The following EPHA10 variants were observed in gnomAD, a reference collection of about 807,000 sequenced individuals.
EPHA10 encodes the protein ephrin type-A receptor 10.
EPHA10 carries 120 observed loss-of-function variants against 109.7 expected under a neutral mutation model. The ratio of observed to expected loss-of-function variants is 1.09; its 90% CI spans 0.94 to 1.27. EPHA10 has a LOEUF of 1.27. Ranked by LOEUF, EPHA10 falls within the 50% of genes most tolerant of loss-of-function variation. The pLI, the probability that EPHA10 is intolerant of heterozygous loss-of-function variation, is 0.00. For missense variants in EPHA10, 1,396 were observed against 1,411.1 expected (o/e 0.99, Z 0.17); for synonymous variants, 640 against 618.9 (o/e 1.03, Z -0.51).
chr1:37,732,350 C>T (rs1009228870), intron 6 of EPHA10, among the ~76,000 whole-genome samples: 1 of 152,130 alleles, frequency 6.6e-6, no homozygotes, highest in Non-Finnish European at 1.5e-5. Context: ...CCGCTCCACC[C>T]CAACACACCT....
chr1:37,761,254 A>G, intron 3 of EPHA10, 151 bp downstream of exon 3: 3 of 1,504,130 alleles, frequency 2.0e-6, no homozygotes, highest in Non-Finnish European at 2.6e-6. Context: ...GAAACTCCAC[A>G]AGACTTCAGG....
intron 5 of EPHA10, among the ~76,000 whole-genome samples, chr1:37,735,670 C>G (rs569979262): frequency 6.6e-6 from 1 of 152,130 alleles, no homozygotes; most frequent in South Asian, 2.1e-4. Flanking sequence ...CTTGCCCACC[C>G]CTTACAGCCC....
At chr1:37,720,608 G>C in intron 12 of EPHA10, 54 bp from the exon 13 acceptor site, 1 of 1,562,624 alleles carries the variant, frequency 6.4e-7, no homozygotes, top group African/African-American at 1.4e-5. Flanking sequence ...CCCTGGTGTT[G>C]TGTGACACCA....
At chr1:37,722,814 C>G (rs776820190) in intron 10 of EPHA10, 39 of 680,984 alleles carry the variant, frequency 5.7e-5, no homozygotes, top group Non-Finnish European at 9.3e-5. Flanking sequence ...CCTTGAGGAC[C>G]AGGAGAGGGT....
At chr1:37,750,824 G>C (rs1263857878) in intron 5 of EPHA10, among the ~76,000 whole-genome samples, 1 of 151,812 alleles carries the variant, frequency 6.6e-6, no homozygotes, top group Non-Finnish European at 1.5e-5. Flanking sequence ...CAGACTAAGG[G>C]CATGAGCCAC....
intron 5 of EPHA10, among the ~76,000 whole-genome samples, chr1:37,739,404 C>T (rs985422858): frequency 6.6e-6 from 1 of 152,128 alleles, no homozygotes; most frequent in African/African-American, 2.4e-5. Context: ...GTGACTCATG[C>T]TTATAATCTC....
At chr1:37,715,106 TGCAACCTCCA>T (rs1645673546), downstream of EPHA10, 1 of 152,294 alleles carries the variant, frequency 6.6e-6, no homozygotes, top group Non-Finnish European at 1.5e-5. Flanking sequence ...CTCGGCCCAC[TGCAACCTCCA>T]TCTCCTGGGT....
chr1:37,761,721 G>C lies in EPHA10; in HGVS notation c.534C>G (p.Arg178=), dbSNP rs766964620. The part of the protein sequence containing the change: ...ERKMKLNTEV[R]EIGPLSRRGF... ...CCCGCCGGCTGAGCGGTCCGATCTC[G>C]CGCACCTCTGTGTTCAGCTTCATCT... The change falls in exon 3 of 17, where the codon CGC becomes CGG. Residue 178 remains arginine, a synonymous_variant. Transcript: ENST00000373048. 3 of 1,613,470 alleles carry C rather than the reference G, an allele frequency of 1.9e-6. No individual in the cohort carries two copies. The highest frequency in any genetic ancestry group is 2.5e-6 in the Non-Finnish European group (3 of 1,179,910).
At chr1:37,736,116 C>T (rs1227469340) in intron 5 of EPHA10, among the ~76,000 whole-genome samples, 1 of 152,164 alleles carries the variant, frequency 6.6e-6, no homozygotes, top group Non-Finnish European at 1.5e-5. Context: ...ATTCCACACA[C>T]AAAATTGTTA....
chr1:37,734,632 TG>T (rs1557542804), intron 6 of EPHA10: 1 of 456,146 alleles, frequency 2.2e-6, no homozygotes. Flanking sequence ...ACAGCTAAGC[TG>T]CAACCACAGA....
chr1:37,731,440 G>T lies in EPHA10; in HGVS notation c.1634C>A (p.Pro545His). The change falls in exon 7 of 17, where the codon CCC becomes CAC. Residue 545 changes from proline (P) to histidine (H), a missense_variant. Transcript: ENST00000373048. ...CCCCAGGGTCTGTACTTCAATGCTG[G>T]GGTTAAAACTCTGGGCCTCCCAGGA... ...GPSWEAQSFN[P>H]SIEVQTLGEA... 9.3e-6 allele frequency: 15 copies of T among 1,612,652 alleles called. No individual in the cohort carries two copies. Among genetic ancestry groups the T allele is most frequent in the Non-Finnish European group, 1.3e-5 (15 of 1,179,218 alleles).
intron 15 of EPHA10, 115 bp downstream of exon 15, chr1:37,719,299 T>C (rs181093708): frequency 8.1e-7 from 1 of 1,235,044 alleles, no homozygotes; most frequent in Non-Finnish European, 1.1e-6. Context: ...GGCAATGGGG[T>C]GAACAATTGC....
Position 37,761,654 on chromosome 1 carries a change from G to T in EPHA10, c.601C>A (p.Leu201Ile). The T allele has an allele frequency of 6.2e-7, 1 of 1,608,010 alleles. No individual in the cohort carries two copies. Residue 201 changes from leucine (L) to isoleucine (I), a missense_variant, in exon 3 of 17, where the codon CTT becomes ATT. Leu to Ile is a conservative substitution (Grantham distance 5). Transcript: ENST00000373048. ...TTGTAGTAGACGCGCACCGAGACAA[G>T]CGCCACGCATGCGCCCACGTCCTGA... ...AFQDVGACVA[L>I]VSVRVYYKQC...
chr1:37,715,793 G>A (rs995720208), downstream of EPHA10: 22 of 442,410 alleles, frequency 5.0e-5, no homozygotes, highest in African/African-American at 3.3e-4. Context: ...GGTACCCTGG[G>A]TCACACCGTC....
At chr1:37,733,814 CTCTT>C (rs1391092422) in intron 6 of EPHA10, among the ~76,000 whole-genome samples, 2 of 152,108 alleles carry the variant, frequency 1.3e-5, no homozygotes, top group Non-Finnish European at 2.9e-5. Flanking sequence ...CTCTCTCTCT[CTCTT>C]TCTCTCCCTT....
At chr1:37,760,228 G>T in intron 3 of EPHA10, 1 of 991,046 alleles carries the variant, frequency 1.0e-6, no homozygotes, top group Non-Finnish European at 1.2e-6. Context: ...CTAGGACTAT[G>T]TCTGACTCAT....
chr1:37,719,601 T>C lies in EPHA10; in HGVS notation c.2569A>G (p.Lys857Glu). ...YWDMSGQDVIKAVEDGFRLPP... is the reference protein window; with the variant it reads ...YWDMSGQDVIEAVEDGFRLPP... ...AGCCGGAAGCCATCCTCCACAGCCT[T>C]GATCACCTGGGCCACAGGGGTGGGG... Residue 857 changes from lysine (K) to glutamate (E), a missense_variant, in exon 15 of 17, where the codon AAG (lysine) becomes GAG (glutamate). Coordinates refer to ENST00000373048, the MANE Select transcript of EPHA10 (RefSeq NM_001099439.2). 6.2e-7 allele frequency: 1 copy of C among 1,613,252 alleles called. No homozygotes were observed. Among genetic ancestry groups the C allele is most frequent in the Non-Finnish European group, 8.5e-7 (1 of 1,179,912 alleles).
intron 16 of EPHA10, 41 bp from the exon 17 acceptor site, chr1:37,718,527 A>T: frequency 6.2e-7 from 1 of 1,611,782 alleles, no homozygotes; most frequent in East Asian, 2.2e-5. Context: ...CTTGTCCCCA[A>T]CTTCTGCTCC....
chr1:37,742,890 G>A (rs1646175987), intron 5 of EPHA10, among the ~76,000 whole-genome samples: 1 of 152,126 alleles, frequency 6.6e-6, no homozygotes, highest in Non-Finnish European at 1.5e-5. Context: ...AGCCACTTGG[G>A]AGGCTCAGGC....
Sources: allele counts gnomAD v4.1 joint callset (sites outside exome capture counted in the v4.1 genomes callset), GRCh38; gene constraint gnomAD v4.1.1; transcripts MANE v1.5; gene names NCBI Gene and HGNC (gene_info 2026-07-23, HGNC 2026-07-21).